Variants in TMCC1 observed in about 807,000 individuals in gnomAD.
TMCC1 encodes transmembrane and coiled-coil domain family 1, also known as transmembrane and coiled-coil domains protein 1.
In TMCC1, 15 loss-of-function variants were observed where a neutral mutation model predicts 52.4. That is an observed-to-expected ratio of 0.29 (90% CI 0.19 to 0.44). The LOEUF (loss-of-function observed/expected upper bound fraction) is 0.44, where lower values mean the gene tolerates loss of function less well. Among genes scored for constraint, TMCC1 ranks in the 20% least tolerant of loss-of-function variants. The pLI, the probability that TMCC1 is intolerant of heterozygous loss-of-function variation, is 1.00. For synonymous variants in TMCC1, 279 were observed against 301.9 expected (o/e 0.92, Z 0.79); for missense variants, 503 against 806.0 (o/e 0.62, Z 4.55).
intron 4 of TMCC1, among the ~76,000 whole-genome samples, chr3:129,720,883 A>T (rs1294464731): frequency 6.6e-6 from 1 of 151,746 alleles, no homozygotes; most frequent in Non-Finnish European, 1.5e-5. Context: ...TTTAAAGACA[A>T]GCTCTCACTA....
At position 129,678,486 on chromosome 3, in the gene TMCC1, G is replaced by A. The variant is rs781158508; in HGVS notation, c.577-7222C>T. Reference sequence around the variant, plus strand: ...AGCAATTCTTCTGCCTCAGCCTCCCGAGTAGCTGGGATTACAGGCGTGTGC... The same window carrying A: ...AGCAATTCTTCTGCCTCAGCCTCCCAAGTAGCTGGGATTACAGGCGTGTGC... On this transcript the variant is annotated intron_variant, in intron 4 of 6. Coordinates refer to ENST00000393238, the MANE Select transcript of TMCC1 (RefSeq NM_001017395.5). 6.2e-5 allele frequency among the ~76,000 whole-genome samples: 9 copies of A among 144,972 alleles called. 1 individual carries two copies. The highest frequency in any genetic ancestry group is 4.5e-4 in the South Asian group (2 of 4,458).
intron 4 of TMCC1, among the ~76,000 whole-genome samples, chr3:129,674,067 G>C (rs947700273): frequency 3.3e-5 from 5 of 152,120 alleles, no homozygotes; most frequent in Admixed American, 3.3e-4. Flanking sequence ...GAAACAATAG[G>C]CTATACCACA....
intron 2 of TMCC1, among the ~76,000 whole-genome samples, chr3:129,877,866 G>C (rs1467925375): frequency 6.6e-6 from 1 of 151,946 alleles, no homozygotes; most frequent in Non-Finnish European, 1.5e-5. Flanking sequence ...CTGATCTCCT[G>C]ATCTCATGAT....
intron 4 of TMCC1, among the ~76,000 whole-genome samples, chr3:129,783,388 G>C (rs1337163696): frequency 6.6e-6 from 1 of 152,128 alleles, no homozygotes; most frequent in Non-Finnish European, 1.5e-5. Flanking sequence ...GAAACATGTA[G>C]TTAGAACACA....
chr3:129,811,040 T>A (rs531182862), intron 4 of TMCC1, among the ~76,000 whole-genome samples: 68 of 152,356 alleles, frequency 4.5e-4, no homozygotes, highest in African/African-American at 1.3e-3. Flanking sequence ...TGAGTTTTTT[T>A]AATTAATAAA....
In TMCC1 at chr3:129,869,033, G is replaced by C. The variant is rs1029250619; in HGVS notation, c.-184+11276C>G. 20 of 151,966 alleles carry C rather than the reference G, an allele frequency of 1.3e-4. No homozygotes were observed. In the East Asian group the frequency reaches 3.7e-3, roughly 28 times the overall value. The allele number at this position is 151,966 out of a possible 1,614,324, so 9.4% of individuals were successfully genotyped here. On this transcript the variant is annotated intron_variant, in intron 2 of 6. Transcript: ENST00000393238. ...AGAAGCGCTTTTTGTTATTCATAAT[G>C]TATTCCTTTCAACCACACCTGAGTT...
intron 2 of TMCC1, among the ~76,000 whole-genome samples, chr3:129,874,234 T>C (rs2061075407): frequency 6.6e-6 from 1 of 152,206 alleles, no homozygotes; most frequent in African/African-American, 2.4e-5. Context: ...ATATTACACA[T>C]AAGAGAATTC....
At position 129,651,940 on chromosome 3, in the gene TMCC1, T is replaced by C. The variant is rs2086358020; in HGVS notation, c.1648-145A>G. 1.1e-6 allele frequency: 1 copy of C among 945,302 alleles called. No individual in the cohort carries two copies. The highest frequency in any genetic ancestry group is 1.5e-6 in the Non-Finnish European group (1 of 652,624). 58.6% of individuals were successfully genotyped at this position (945,302 alleles called of 1,614,324 possible). On this transcript the variant is annotated intron_variant, in intron 6 of 6. Coordinates refer to ENST00000393238, the MANE Select transcript of TMCC1 (RefSeq NM_001017395.5). This position sits in a 1 kb window ranked among gnomAD's most constrained non-coding sequence, Gnocchi z 5.1. ...GGAGCCTTGAATGAATGTAAAAGGC[T>C]AGATGTATAACTCACTATTCAAGTG... is the stretch of plus-strand genomic sequence containing the variant.
intron 5 of TMCC1, among the ~76,000 whole-genome samples, chr3:129,659,442 G>A (rs939172863): frequency 6.6e-6 from 1 of 152,018 alleles, no homozygotes; most frequent in Non-Finnish European, 1.5e-5. Flanking sequence ...TGGTATATTT[G>A]CCTTCACAAC....
chr3:129,713,867 A>G (rs2048877439), intron 4 of TMCC1, among the ~76,000 whole-genome samples: 1 of 152,186 alleles, frequency 6.6e-6, no homozygotes, highest in African/African-American at 2.4e-5. Flanking sequence ...TTACTTCTTA[A>G]AGATTTGTTT....
chr3:129,691,123 G>A (rs1241062074), intron 4 of TMCC1, among the ~76,000 whole-genome samples: 1 of 152,190 alleles, frequency 6.6e-6, no homozygotes, highest in African/African-American at 2.4e-5. Flanking sequence ...TGATAATTTG[G>A]TTTTATGGTT....
chr3:129,815,901 A>T (rs2058072614), intron 4 of TMCC1, among the ~76,000 whole-genome samples: 1 of 152,150 alleles, frequency 6.6e-6, no homozygotes, highest in Non-Finnish European at 1.5e-5. Context: ...CAATAGCAAA[A>T]CAAATTCAAT....
intron 4 of TMCC1, among the ~76,000 whole-genome samples, chr3:129,792,558 C>T (rs189791438): frequency 1.1e-4 from 16 of 152,218 alleles, no homozygotes; most frequent in Admixed American, 9.8e-4. Context: ...ACTATGTTGG[C>T]CACGCTGATC....
chr3:129,765,278 T>C (rs116582627), intron 4 of TMCC1, among the ~76,000 whole-genome samples: 1 of 152,154 alleles, frequency 6.6e-6, no homozygotes, highest in African/African-American at 2.4e-5. Flanking sequence ...AATTTGGTAA[T>C]AGTAGAGGAA....
rs186343532 is a variant in TMCC1 at position 129,854,646 on chromosome 3, T to G, written c.-183-21820A>C. 3.6e-4 allele frequency among the ~76,000 whole-genome samples: 55 copies of G among 152,282 alleles called. 1 individual carries two copies. The highest frequency in any genetic ancestry group is 1.5e-4 in the Non-Finnish European group (10 of 68,020). ...ATTCTCCCTTCTACCACAGGGCCTC[T>G]GCACTTGCTATTTCTTCTGTCTGGA... On this transcript the variant is annotated intron_variant, in intron 2 of 6. Transcript: ENST00000393238.
At chr3:129,746,633 G>T (rs191429764) in intron 4 of TMCC1, among the ~76,000 whole-genome samples, 158 of 152,240 alleles carry the variant, frequency 1.0e-3, no homozygotes, top group African/African-American at 3.4e-3. Context: ...GGTATTGGGT[G>T]GCTTAAGGAA....
Position 129,720,222 on chromosome 3 carries a change from C to T in TMCC1, c.577-48958G>A, listed in dbSNP as rs150059970. 2.7e-3 allele frequency among the ~76,000 whole-genome samples: 409 copies of T among 151,200 alleles called. 5 individuals are homozygous for T. The highest frequency in any genetic ancestry group is 9.4e-3 in the African/African-American group (385 of 40,944). ...AAAAAAGAGATGGAATGTATTTCTCCATCCAGTGAAACTGGGTTTGGTCAT... is the reference window on the plus strand; with the variant it reads ...AAAAAAGAGATGGAATGTATTTCTCTATCCAGTGAAACTGGGTTTGGTCAT... On this transcript the variant is annotated intron_variant, in intron 4 of 6. Transcript: ENST00000393238.
chr3:129,674,907 G>C (rs372855438), intron 4 of TMCC1, among the ~76,000 whole-genome samples: 157 of 152,084 alleles, frequency 1.0e-3, no homozygotes, highest in African/African-American at 3.4e-3. Context: ...AAGGCGCGAC[G>C]TCAGCTCACT....
intron 2 of TMCC1, chr3:129,857,173 C>T (rs1451201066): frequency 1.3e-5 from 2 of 152,318 alleles, no homozygotes; most frequent in Non-Finnish European, 2.9e-5. Context: ...CCACCCACCT[C>T]AGCCTCCCAA....
Sources: gnomAD v4.1 joint callset for allele counts (sites outside exome capture counted in the v4.1 genomes callset) on GRCh38, gnomAD v4.1.1 for gene constraint, Gnocchi (gnomAD v3.1) non-coding constraint, MANE v1.5 for transcripts, NCBI Gene and HGNC (gene_info 2026-07-23, HGNC 2026-07-21) for gene names.